Variants in COL27A1 observed in about 807,000 individuals in gnomAD.
COL27A1 encodes collagen alpha-1(XXVII) chain.
In COL27A1, 106 loss-of-function variants were observed where a neutral mutation model predicts 251.3. The ratio of observed to expected loss-of-function variants is 0.42; its 90% confidence interval spans 0.36 to 0.50. The LOEUF (loss-of-function observed/expected upper bound fraction) is 0.50, where lower values mean the gene tolerates loss of function less well. Ranked by LOEUF, COL27A1 falls within the 20% of genes least tolerant of loss-of-function variation. The probability of loss-of-function intolerance (pLI) is 0.00; values close to 1 mark genes in which losing one functional copy is unlikely to be tolerated. For synonymous variants in COL27A1, 1,000 were observed against 986.3 expected (o/e 1.01, Z -0.26); for missense variants, 2,325 against 2,522.8 (o/e 0.92, Z 1.68).
At chr9:114,210,011 A>C (rs1723756875) in intron 11 of COL27A1, among the ~76,000 whole-genome samples, 2 of 152,162 alleles carry the variant, frequency 1.3e-5, no homozygotes, top group Admixed American at 6.5e-5. Flanking sequence ...GAGGCTGGAG[A>C]GGACCCTGGG....
intron 12 of COL27A1, among the ~76,000 whole-genome samples, chr9:114,219,413 C>T (rs1215587294): frequency 6.6e-6 from 1 of 152,170 alleles, no homozygotes; most frequent in African/African-American, 2.4e-5. Context: ...GCAACAGAGG[C>T]CTTCTCCTCC....
intron 24 of COL27A1, among the ~76,000 whole-genome samples, chr9:114,246,286 G>T (rs186600325): frequency 6.6e-6 from 1 of 152,326 alleles, no homozygotes; most frequent in Admixed American, 6.5e-5. Context: ...GGCCAGAGAA[G>T]TGTTACCACT....
At chr9:114,308,047 C>A (rs1203114911) in intron 59 of COL27A1, among the ~76,000 whole-genome samples, 2 of 152,220 alleles carry the variant, frequency 1.3e-5, no homozygotes, top group African/African-American at 4.8e-5. Context: ...TAAAGCAGAG[C>A]AGTTGGCCAA....
chr9:114,207,993 A>T (rs1224915235), intron 10 of COL27A1, among the ~76,000 whole-genome samples: 5 of 152,210 alleles, frequency 3.3e-5, no homozygotes, highest in Non-Finnish European at 5.9e-5. Context: ...GAGGAGAGGC[A>T]GTATGCAGAG....
At chr9:114,155,023 A>C (rs1848039702), upstream of COL27A1, among the ~76,000 whole-genome samples, 1 of 151,870 alleles carries the variant, frequency 6.6e-6, no homozygotes, top group Non-Finnish European at 1.5e-5. The surrounding 1 kb of genome is among the most constrained non-coding windows in gnomAD (Gnocchi z 5.5). Context: ...TTGCTGACAG[A>C]AGGGAGAGAG....
intron 7 of COL27A1, among the ~76,000 whole-genome samples, chr9:114,202,894 A>G (rs923029987): frequency 5.3e-5 from 8 of 152,142 alleles, no homozygotes; most frequent in Non-Finnish European, 1.2e-4. Context: ...TTTTCTTCAC[A>G]GCACTGATCA....
At chr9:114,259,348 G>T (rs1834157723) in intron 28 of COL27A1, among the ~76,000 whole-genome samples, 1 of 152,198 alleles carries the variant, frequency 6.6e-6, no homozygotes, top group African/African-American at 2.4e-5. Context: ...GCAGTCACTG[G>T]AAGTAATCGC....
At chr9:114,228,889 A>G (rs1204311883) in intron 14 of COL27A1, among the ~76,000 whole-genome samples, 1 of 151,994 alleles carries the variant, frequency 6.6e-6, no homozygotes, top group Non-Finnish European at 1.5e-5. Flanking sequence ...TGACGCTATC[A>G]CAGCTCACTG....
intron 7 of COL27A1, 30 bp downstream of exon 7, chr9:114,196,042 C>T (rs372890267): frequency 6.9e-6 from 11 of 1,601,830 alleles, no homozygotes; most frequent in African/African-American, 1.3e-5. Flanking sequence ...CTTTGCCTTG[C>T]GCAGTGGGCC....
chr9:114,187,557 C>G (rs908519261), intron 5 of COL27A1, among the ~76,000 whole-genome samples: 15 of 152,256 alleles, frequency 9.9e-5, no homozygotes, highest in African/African-American at 2.9e-4. Context: ...CATTCAAACC[C>G]TCAACTGTCT....
intron 19 of COL27A1, among the ~76,000 whole-genome samples, 161 bp from the exon 20 acceptor site, chr9:114,240,059 T>C (rs1832650711): frequency 1.3e-5 from 2 of 152,166 alleles, no homozygotes; most frequent in Non-Finnish European, 2.9e-5. Context: ...GCACCCTGTT[T>C]TAGAACTGAG....
chr9:114,301,858 G>A (rs1177602326), intron 55 of COL27A1, 141 bp downstream of exon 55: 5 of 934,028 alleles, frequency 5.4e-6, no homozygotes, highest in South Asian at 1.6e-5. Context: ...GAGAGTATAG[G>A]GCATCCCCCG....
chr9:114,197,280 C>T (rs914763998), intron 7 of COL27A1, among the ~76,000 whole-genome samples: 1 of 152,090 alleles, frequency 6.6e-6, no homozygotes, highest in Admixed American at 6.5e-5. Context: ...CCTGTTCTTG[C>T]CTTGAGAGCC....
intron 21 of COL27A1, among the ~76,000 whole-genome samples, chr9:114,241,205 T>C: frequency 6.6e-6 from 1 of 152,220 alleles, no homozygotes. Flanking sequence ...CACGAGGCCA[T>C]TCTTAGCCTT....
intron 27 of COL27A1, among the ~76,000 whole-genome samples, chr9:114,258,143 C>G (rs937412207): frequency 1.3e-5 from 2 of 152,216 alleles, no homozygotes; most frequent in Admixed American, 1.3e-4. Flanking sequence ...CTGCACTGCA[C>G]TCCAGCCCAG....
intron 14 of COL27A1, among the ~76,000 whole-genome samples, chr9:114,228,011 C>T (rs944182040): frequency 6.6e-6 from 1 of 152,124 alleles, no homozygotes; most frequent in Non-Finnish European, 1.5e-5. Context: ...GCACCTTCTC[C>T]GGGTGTGGCC....
Position 114,205,123 on chromosome 9 carries a change from C to G in COL27A1, c.2146C>G (p.Pro716Ala), listed in dbSNP as rs748148910. ...GRKGHKGYPGPAGHPGEQGQP... is the reference protein window; with the variant it reads ...GRKGHKGYPGAAGHPGEQGQP... ...ACAGGGACACAAGGGCTATCCTGGACCGGCAGGGCACCCCGGAGAACAGGT... is the reference window on the plus strand; with the variant it reads ...ACAGGGACACAAGGGCTATCCTGGAGCGGCAGGGCACCCCGGAGAACAGGT... Residue 716 changes from proline to alanine, a missense_variant, in exon 8 of 61, where the codon CCG becomes GCG. Around this residue, in one of 4 missense-constraint regions of COL27A1, gnomAD observed 1,183 missense variants for 1,144.1 expected, o/e 1.03. Coordinates refer to ENST00000356083, the MANE Select transcript of COL27A1 (RefSeq NM_032888.4). The G allele has an allele frequency of 1.2e-6, 2 of 1,613,706 alleles. No homozygotes were observed. Among genetic ancestry groups the G allele is most frequent in the Non-Finnish European group, 1.7e-6 (2 of 1,180,004 alleles).
At chr9:114,182,013 T>A (rs1462122943) in intron 4 of COL27A1, among the ~76,000 whole-genome samples, 2 of 151,866 alleles carry the variant, frequency 1.3e-5, no homozygotes, top group Non-Finnish European at 2.9e-5. Context: ...AATACATCCT[T>A]CTTGAGCTCT....
chr9:114,222,328 C>T (rs1464232469), intron 14 of COL27A1, 61 bp downstream of exon 14: 29 of 1,489,378 alleles, frequency 1.9e-5, no homozygotes, highest in Admixed American at 1.0e-4. Context: ...GTGGAGCCAG[C>T]GTGTGGGGAG....
Sources: gnomAD v4.1 joint callset for allele counts (sites outside exome capture counted in the v4.1 genomes callset) on GRCh38, gnomAD v4.1.1 for gene constraint, gnomAD v4.1.1 regional missense constraint, Gnocchi (gnomAD v3.1) non-coding constraint, MANE v1.5 for transcripts, NCBI Gene and HGNC (gene_info 2026-07-23, HGNC 2026-07-21) for gene names.